RIMS2: variants seen among roughly 807,000 people sequenced by gnomAD.
RIMS2 encodes the protein regulating synaptic membrane exocytosis 2.
Under a neutral mutation model 174.4 loss-of-function variants are expected in RIMS2, and 59 were observed. The observed-to-expected ratio is 0.34, with a 90% CI of 0.27 to 0.42. The LOEUF is 0.42. RIMS2 is among the 10% of genes least tolerant of loss of function. RIMS2 has a pLI of 1.00. For synonymous variants in RIMS2, 606 were observed against 572.5 expected (o/e 1.06, Z -0.84); for missense variants, 1,620 against 1,666.3 (o/e 0.97, Z 0.48).
intron 3 of RIMS2, among the ~76,000 whole-genome samples, chr8:103,837,076 T>C (rs1266138795): frequency 1.3e-5 from 2 of 152,258 alleles, no homozygotes; most frequent in East Asian, 3.8e-4. Flanking sequence ...TATATGTTAG[T>C]TGTCTATTGT....
chr8:103,617,929 T>C (rs932203366), intron 1 of RIMS2, among the ~76,000 whole-genome samples: 3 of 152,146 alleles, frequency 2.0e-5, no homozygotes, highest in Non-Finnish European at 4.4e-5. Context: ...GTTCAACCAT[T>C]GTGGAAAGCA....
chr8:104,249,605 T>TG lies in RIMS2; in HGVS notation c.3691+17_3691+18insG, dbSNP rs2099352313. The TG allele has an allele frequency of 7.2e-7, 1 of 1,384,872 alleles. No homozygotes were observed. Among genetic ancestry groups the TG allele is most frequent in the Non-Finnish European group, 1.0e-6 (1 of 971,910 alleles). 85.8% of individuals were successfully genotyped at this position (1,384,872 alleles called of 1,614,324 possible). The stretch of plus-strand genomic sequence containing the variant: ...CACTGCCAGGTAAAAACAAAAGAGA[T>TG]TTTTCTATTATTGTCCATAATCCAT... On this transcript the variant is annotated intron_variant, in intron 22 of 23. Transcript: ENST00000504942.
At chr8:104,251,563 G>A (rs1377521469) in intron 23 of RIMS2, 39 bp from the exon 30 acceptor site, 7 of 1,068,396 alleles carry the variant, frequency 6.6e-6, no homozygotes, top group African/African-American at 1.6e-5. Context: ...TATGTACACA[G>A]TTACACTGAC....
chr8:103,627,279 G>T (rs771859217), intron 1 of RIMS2, among the ~76,000 whole-genome samples: 2 of 152,116 alleles, frequency 1.3e-5, no homozygotes, highest in African/African-American at 4.8e-5. Flanking sequence ...GCCCGACCCC[G>T]CAGGCAGTCA....
At chr8:103,832,706 G>A (rs1200051365) in intron 3 of RIMS2, among the ~76,000 whole-genome samples, 1 of 152,176 alleles carries the variant, frequency 6.6e-6, no homozygotes, top group Non-Finnish European at 1.5e-5. Flanking sequence ...CCCTGCAATA[G>A]ACATGATCTC....
intron 1 of RIMS2, among the ~76,000 whole-genome samples, chr8:103,530,300 T>C (rs906606594): frequency 6.6e-6 from 1 of 152,162 alleles, no homozygotes; most frequent in Middle Eastern, 3.4e-3. Flanking sequence ...AAGAAAAATA[T>C]AATAAAAAGT....
chr8:103,524,855 C>G (rs910205078), intron 1 of RIMS2, among the ~76,000 whole-genome samples: 1 of 152,128 alleles, frequency 6.6e-6, no homozygotes, highest in Non-Finnish European at 1.5e-5. Context: ...GAACCAGAGA[C>G]CATGGGCAAT....
chr8:103,590,612 T>TTTTACTTGCTTTATCATA (rs11272101), intron 1 of RIMS2, among the ~76,000 whole-genome samples: 56,708 of 150,830 alleles, frequency 0.38, 10,990 homozygotes, highest in African/African-American at 0.4. Flanking sequence ...TAACATTTTA[T>TTTTACTTGCTTTATCATA]CCCATCTATT....
intron 13 of RIMS2, among the ~76,000 whole-genome samples, chr8:103,939,949 A>G (rs1026020218): frequency 1.9e-4 from 29 of 152,192 alleles, no homozygotes; most frequent in Non-Finnish European, 3.8e-4. Flanking sequence ...TATTGTCCAT[A>G]TAGCTATCAG....
At chr8:103,891,520 A>G (rs1450954846) in intron 4 of RIMS2, among the ~76,000 whole-genome samples, 1 of 152,074 alleles carries the variant, frequency 6.6e-6, no homozygotes, top group Non-Finnish European at 1.5e-5. Context: ...CATTTGCCCA[A>G]CTGCACAAAA....
chr8:104,243,649 G>A (rs2099314596), intron 19 of RIMS2, among the ~76,000 whole-genome samples: 1 of 152,238 alleles, frequency 6.6e-6, no homozygotes, highest in African/African-American at 2.4e-5. Context: ...TTGTGCCACT[G>A]CACTTCAGCC....
At chr8:104,057,364 G>A (rs527700081) in intron 19 of RIMS2, among the ~76,000 whole-genome samples, 2 of 151,820 alleles carry the variant, frequency 1.3e-5, no homozygotes, top group South Asian at 2.1e-4. Context: ...CATCTCACAC[G>A]GCTATATCCT....
At chr8:104,197,954 A>T (rs894116869) in intron 19 of RIMS2, among the ~76,000 whole-genome samples, 1 of 151,404 alleles carries the variant, frequency 6.6e-6, no homozygotes, top group African/African-American at 2.4e-5. Context: ...AGCTCTCTAA[A>T]AATAATAATA....
chr8:104,049,556 T>C (rs188599721), intron 19 of RIMS2, among the ~76,000 whole-genome samples: 110 of 152,258 alleles, frequency 7.2e-4, no homozygotes, highest in Admixed American at 2.3e-3. Flanking sequence ...AACAAGAAAT[T>C]AGAAGGCCAA....
intron 1 of RIMS2, among the ~76,000 whole-genome samples, chr8:103,502,740 C>T (rs1336456954): frequency 6.6e-6 from 1 of 151,814 alleles, no homozygotes; most frequent in Non-Finnish European, 1.5e-5. Context: ...AAAATCAGTG[C>T]GGCCAAAATG....
intron 19 of RIMS2, among the ~76,000 whole-genome samples, chr8:104,178,674 G>T (rs72685033): frequency 0.051 from 7,704 of 152,118 alleles, 276 homozygotes; most frequent in Middle Eastern, 0.1. Context: ...TATAAATGAG[G>T]TTATTTAGTT....
intron 19 of RIMS2, chr8:104,015,602 G>C (rs2095879076): frequency 2.4e-6 from 1 of 415,778 alleles, no homozygotes; most frequent in Non-Finnish European, 4.2e-6. Flanking sequence ...ATCTGACAAA[G>C]TATTCAACTT....
intron 19 of RIMS2, among the ~76,000 whole-genome samples, chr8:104,239,725 T>C (rs1242320216): frequency 1.3e-5 from 2 of 152,214 alleles, no homozygotes; most frequent in African/African-American, 4.8e-5. Context: ...GTATTAGTTT[T>C]ATATTACAGT....
At chr8:103,595,908 T>C (rs1420686152) in intron 1 of RIMS2, among the ~76,000 whole-genome samples, 1 of 152,018 alleles carries the variant, frequency 6.6e-6, no homozygotes, top group African/African-American at 2.4e-5. Context: ...GTTTTTGTTC[T>C]TGTTTTTGGT....
Sources: allele counts gnomAD v4.1 joint callset (sites outside exome capture counted in the v4.1 genomes callset), GRCh38; gene constraint gnomAD v4.1.1; transcripts MANE v1.5; gene names NCBI Gene and HGNC (gene_info 2026-07-23, HGNC 2026-07-21).